Variants in DSE observed in about 807,000 individuals in gnomAD.
DSE encodes dermatan-sulfate epimerase.
Under a neutral mutation model 84.4 loss-of-function variants are expected in DSE, and 36 were observed. The ratio of observed to expected loss-of-function variants is 0.43; its 90% CI spans 0.33 to 0.56. The LOEUF is 0.56. Among genes scored for constraint, DSE ranks in the 20% least tolerant of loss-of-function variants. DSE has a pLI of 0.06. For synonymous variants in DSE, 410 were observed against 430.1 expected (o/e 0.95, Z 0.58); for missense variants, 862 against 1,169.6 (o/e 0.74, Z 3.84).
intron 2 of DSE, among the ~76,000 whole-genome samples, chr6:116,309,247 G>T (rs572102311): frequency 1.2e-4 from 19 of 152,022 alleles, no homozygotes; most frequent in Non-Finnish European, 2.4e-4. Context: ...TACTTTTTAG[G>T]TGGATTTCTT....
intron 2 of DSE, among the ~76,000 whole-genome samples, chr6:116,297,779 CTT>C: frequency 6.6e-6 from 1 of 152,298 alleles, no homozygotes; most frequent in Non-Finnish European, 1.5e-5. Flanking sequence ...TCTAGCATCT[CTT>C]TGCCATGTTA....
chr6:116,348,455 A>AAAAAAAAAC (rs1562246053), intron 2 of DSE, among the ~76,000 whole-genome samples: 20 of 151,348 alleles, frequency 1.3e-4, no homozygotes, highest in African/African-American at 4.9e-4. Flanking sequence ...CAAAAAAAAA[A>AAAAAAAAAC]CCCCAAAAGT....
chr6:116,325,198 A>G (rs751988856), intron 2 of DSE, among the ~76,000 whole-genome samples: 8 of 152,234 alleles, frequency 5.3e-5, no homozygotes, highest in Non-Finnish European at 8.8e-5. Flanking sequence ...ATTTTCTGCA[A>G]AAGAAAAACC....
Position 116,399,608 on chromosome 6 carries a change from A to G in DSE, c.358A>G (p.Ile120Val), listed in dbSNP as rs925885530. 2 of 1,614,210 alleles carry G rather than the reference A, an allele frequency of 1.2e-6. No individual in the cohort carries two copies. Among genetic ancestry groups the G allele is most frequent in the African/African-American group, 1.3e-5 (1 of 75,060 alleles). Residue 120 changes from isoleucine (I) to valine (V), a missense_variant, in exon 2 of 6, where the codon ATT becomes GTT. Transcript: ENST00000644252. Reference sequence around the variant, plus strand: ...GTTCTGTGTGCTGTATCCTGAGAACATTGAAGCCCGAGACATGGCCAAAGA... The same window carrying G: ...GTTCTGTGTGCTGTATCCTGAGAACGTTGAAGCCCGAGACATGGCCAAAGA... ...AMFCVLYPEN[I>V]EARDMAKDYM...
chr6:116,292,053 G>A (rs1465788734), intron 2 of DSE, among the ~76,000 whole-genome samples: 1 of 152,160 alleles, frequency 6.6e-6, no homozygotes, highest in Non-Finnish European at 1.5e-5. Flanking sequence ...ATAGATTTGG[G>A]TATTTGTAGA....
intron 2 of DSE, among the ~76,000 whole-genome samples, chr6:116,330,434 G>A (rs991777957): frequency 4.6e-5 from 7 of 151,920 alleles, no homozygotes; most frequent in African/African-American, 1.5e-4. Context: ...AATCTTTTTG[G>A]TATTACATAT....
At chr6:116,342,876 A>G (rs1207248792) in intron 2 of DSE, among the ~76,000 whole-genome samples, 1 of 152,208 alleles carries the variant, frequency 6.6e-6, no homozygotes, top group Non-Finnish European at 1.5e-5. Context: ...GCAAGGGGTC[A>G]GGGAATTCCC....
chr6:116,368,732 G>C, upstream of DSE, among the ~76,000 whole-genome samples: 1 of 152,156 alleles, frequency 6.6e-6, no homozygotes, highest in East Asian at 1.9e-4. Flanking sequence ...TCAATTCTTG[G>C]CATCAGGGTT....
At chr6:116,427,842 G>C (rs1246727015) in intron 3 of DSE, among the ~76,000 whole-genome samples, 2 of 152,166 alleles carry the variant, frequency 1.3e-5, no homozygotes, top group African/African-American at 4.8e-5. Context: ...TTATGAGAGT[G>C]AATTTTCATG....
At chr6:116,353,865 T>C (rs1481086367) in intron 2 of DSE, among the ~76,000 whole-genome samples, 3 of 152,200 alleles carry the variant, frequency 2.0e-5, no homozygotes, top group Non-Finnish European at 4.4e-5. Context: ...AACAATTTGG[T>C]AATTATTTTA....
chr6:116,278,575 C>T (rs758204216), intron 2 of DSE: 1 of 1,614,162 alleles, frequency 6.2e-7, no homozygotes, highest in Non-Finnish European at 8.5e-7. Flanking sequence ...TAGCGGGCGA[C>T]GTCGGGCTCT....
chr6:116,364,189 G>A (rs566154807), intron 2 of DSE, among the ~76,000 whole-genome samples: 50 of 152,220 alleles, frequency 3.3e-4, no homozygotes, highest in Non-Finnish European at 6.0e-4. Context: ...CTGTTGTTGG[G>A]TTTTTATTTT....
intron 2 of DSE, among the ~76,000 whole-genome samples, chr6:116,275,953 GTTAA>G (rs1186691121): frequency 5.9e-5 from 9 of 152,198 alleles, no homozygotes; most frequent in African/African-American, 2.2e-4. Flanking sequence ...GTATCACTCT[GTTAA>G]TTCTTTGTTT....
At chr6:116,428,912 T>C (rs1266451879) in intron 3 of DSE, among the ~76,000 whole-genome samples, 1 of 152,198 alleles carries the variant, frequency 6.6e-6, no homozygotes, top group Non-Finnish European at 1.5e-5. Context: ...ATAGCTTCAA[T>C]TAACAGTATC....
chr6:116,299,551 T>TATATACACACAC (rs1554209343), intron 2 of DSE, among the ~76,000 whole-genome samples: 1 of 53,676 alleles, frequency 1.9e-5, no homozygotes, highest in Non-Finnish European at 2.9e-5. Context: ...TATATATATA[T>TATATACACACAC]ACACATACAC....
At position 116,431,914 on chromosome 6, in the gene DSE, C is replaced by A. The variant is rs547640355; in HGVS notation, c.910+721C>A. Among the ~76,000 whole-genome samples the A allele has an allele frequency of 1.8e-4, 28 of 152,198 alleles. No individual in the cohort carries two copies. In the South Asian group the frequency reaches 5.4e-3, roughly 29 times the overall value. On this transcript the variant is annotated intron_variant, in intron 4 of 5. Transcript: ENST00000644252. ...AAAATTTTATCAGGATAGATTCCCC[C>A]CCTTCCCCAAGGAAATGCAATTTTT...
chr6:116,356,622 G>A (rs1434423543), intron 2 of DSE, among the ~76,000 whole-genome samples: 1 of 152,166 alleles, frequency 6.6e-6, no homozygotes, highest in Non-Finnish European at 1.5e-5. Flanking sequence ...TAGGAATCTT[G>A]TAGATGAAAC....
Position 116,433,388 on chromosome 6 carries a change from T to G in DSE, c.956T>G (p.Phe319Cys). The change falls in exon 5 of 6, where the codon TTT (phenylalanine) becomes TGT (cysteine). Residue 319 changes from phenylalanine to cysteine, a missense_variant. By Grantham distance (205) the Phe-to-Cys change is radical. Coordinates refer to ENST00000644252, the MANE Select transcript of DSE (RefSeq NM_013352.4). ...ATTGCGGACTCAAATTACAACTGGTTTTATGGTCCAGAAAGCCAATTAGTG... is the reference window on the plus strand; with the variant it reads ...ATTGCGGACTCAAATTACAACTGGTGTTATGGTCCAGAAAGCCAATTAGTG... Reference protein sequence around the residue: ...VAIADSNYNWFYGPESQLVFL... With the variant: ...VAIADSNYNWCYGPESQLVFL... The G allele has an allele frequency of 6.4e-7, 1 of 1,551,658 alleles. No homozygotes were observed. Among genetic ancestry groups the G allele is most frequent in the Non-Finnish European group, 8.7e-7 (1 of 1,146,978 alleles).
At chr6:116,318,334 G>A (rs1429504952) in intron 2 of DSE, among the ~76,000 whole-genome samples, 3 of 147,914 alleles carry the variant, frequency 2.0e-5, no homozygotes, top group South Asian at 2.1e-4. Context: ...GTGAAACCCC[G>A]TCTCTACTAA....
Sources: gnomAD v4.1 joint callset for allele counts (sites outside exome capture counted in the v4.1 genomes callset) on GRCh38, gnomAD v4.1.1 for gene constraint, MANE v1.5 for transcripts, NCBI Gene and HGNC (gene_info 2026-07-23, HGNC 2026-07-21) for gene names.